The following INPP4B variants were observed in gnomAD, a reference collection of about 807,000 sequenced individuals.
INPP4B encodes the protein inositol polyphosphate-4-phosphatase type II B.
INPP4B carries 55 observed loss-of-function variants against 122.5 expected under a neutral mutation model. The observed-to-expected ratio is 0.45, with a 90% CI of 0.36 to 0.56. The LOEUF is 0.56. INPP4B is among the 20% of genes least tolerant of loss of function. The probability of loss-of-function intolerance (pLI) is 0.00; values close to 1 mark genes in which losing one functional copy is unlikely to be tolerated. For missense variants in INPP4B, 1,000 were observed against 1,097.7 expected (o/e 0.91, Z 1.26); for synonymous variants, 403 against 388.7 (o/e 1.04, Z -0.43).
At chr4:142,442,870 G>C (rs796402898) in intron 3 of INPP4B, among the ~76,000 whole-genome samples, 4 of 152,270 alleles carry the variant, frequency 2.6e-5, no homozygotes, top group African/African-American at 7.2e-5. Context: ...AGCTGGGGAG[G>C]CTTCACAATC....
intron 2 of INPP4B, among the ~76,000 whole-genome samples, chr4:142,571,682 A>G (rs1394838862): frequency 6.6e-6 from 1 of 152,182 alleles, no homozygotes; most frequent in Non-Finnish European, 1.5e-5. Flanking sequence ...CAAAAAATGA[A>G]AAAGTAAGTT....
At chr4:142,629,391 T>C in intron 2 of INPP4B, among the ~76,000 whole-genome samples, 1 of 152,004 alleles carries the variant, frequency 6.6e-6, no homozygotes, top group East Asian at 1.9e-4. Flanking sequence ...TATAAGAAAA[T>C]AAATAAGAAT....
At chr4:142,417,735 A>T (rs2149287166) in intron 5 of INPP4B, among the ~76,000 whole-genome samples, 1 of 152,164 alleles carries the variant, frequency 6.6e-6, no homozygotes, top group South Asian at 2.1e-4. Context: ...TGAGTTTGCA[A>T]AACGACCCAG....
intron 1 of INPP4B, among the ~76,000 whole-genome samples, chr4:142,804,902 A>G (rs753529796): frequency 1.4e-4 from 21 of 152,168 alleles, no homozygotes; most frequent in Admixed American, 3.3e-4. Context: ...CCTGGGCTCA[A>G]GCGATCCACT....
chr4:142,406,913 A>G (rs1351912418), intron 5 of INPP4B, among the ~76,000 whole-genome samples: 24 of 152,288 alleles, frequency 1.6e-4, no homozygotes, highest in African/African-American at 5.5e-4. Flanking sequence ...CTGGTAGCTT[A>G]CATCCTACCC....
intron 2 of INPP4B, among the ~76,000 whole-genome samples, chr4:142,484,656 A>G (rs960822558): frequency 4.1e-4 from 62 of 152,118 alleles, no homozygotes; most frequent in Admixed American, 1.6e-3. Flanking sequence ...CATGTTTGTT[A>G]CATAGGTAAA....
intron 17 of INPP4B, among the ~76,000 whole-genome samples, chr4:142,159,589 T>A (rs972701306): frequency 6.6e-6 from 1 of 151,852 alleles, no homozygotes; most frequent in South Asian, 2.1e-4. Context: ...TAGCACACTA[T>A]TTTTTTTGTT....
chr4:142,323,231 T>C (rs901017684), intron 7 of INPP4B, among the ~76,000 whole-genome samples: 1 of 151,956 alleles, frequency 6.6e-6, no homozygotes, highest in Non-Finnish European at 1.5e-5. Context: ...AGAAGTCTGT[T>C]AGAAATGCAG....
chr4:142,205,565 A>G (rs1218712074), intron 14 of INPP4B, among the ~76,000 whole-genome samples: 1 of 152,150 alleles, frequency 6.6e-6, no homozygotes, highest in Non-Finnish European at 1.5e-5. Context: ...AGTGATGGAA[A>G]ATGCCACATG....
chr4:142,236,500 G>A (rs1856757253), intron 12 of INPP4B, among the ~76,000 whole-genome samples: 2 of 152,108 alleles, frequency 1.3e-5, no homozygotes, highest in East Asian at 3.9e-4. Context: ...ACATGTCATA[G>A]CTTCTCTTTG....
chr4:142,035,458 C>A (rs529937343), intron 25 of INPP4B, among the ~76,000 whole-genome samples: 5 of 152,120 alleles, frequency 3.3e-5, no homozygotes, highest in Non-Finnish European at 5.9e-5. Flanking sequence ...GATAAAGATA[C>A]TATTCACCTA....
intron 2 of INPP4B, among the ~76,000 whole-genome samples, chr4:142,623,671 A>G (rs1176644636): frequency 6.6e-6 from 1 of 151,404 alleles, no homozygotes. Flanking sequence ...GCACCCATTA[A>G]CTCATCATTT....
chr4:142,845,317 T>G (rs987879696), intron 1 of INPP4B, among the ~76,000 whole-genome samples: 1 of 152,138 alleles, frequency 6.6e-6, no homozygotes, highest in East Asian at 1.9e-4. Flanking sequence ...TATGTGGTTC[T>G]AGCATCCTCA....
chr4:142,682,021 G>C (rs188724675), intron 2 of INPP4B, among the ~76,000 whole-genome samples: 1 of 151,862 alleles, frequency 6.6e-6, no homozygotes, highest in Non-Finnish European at 1.5e-5. Context: ...CCTTTGGGAT[G>C]TTTGTATCCT....
At chr4:142,639,250 T>G (rs1749848306) in intron 2 of INPP4B, among the ~76,000 whole-genome samples, 1 of 152,186 alleles carries the variant, frequency 6.6e-6, no homozygotes, top group Admixed American at 6.5e-5. Flanking sequence ...ATCTTTGGCT[T>G]TAATATTCAG....
chr4:142,458,587 A>C (rs1816010734), intron 3 of INPP4B, among the ~76,000 whole-genome samples: 1 of 152,134 alleles, frequency 6.6e-6, no homozygotes, highest in Non-Finnish European at 1.5e-5. Flanking sequence ...ACAAATGTGA[A>C]ATCAATGAAA....
intron 9 of INPP4B, among the ~76,000 whole-genome samples, chr4:142,300,902 A>G (rs1202729923): frequency 6.6e-6 from 1 of 152,154 alleles, no homozygotes; most frequent in Non-Finnish European, 1.5e-5. Flanking sequence ...TTCAAGAAAA[A>G]GTGTTATCAC....
chr4:142,400,215 GA>G (rs1562015749), intron 7 of INPP4B, among the ~76,000 whole-genome samples: 1 of 152,080 alleles, frequency 6.6e-6, no homozygotes, highest in Non-Finnish European at 1.5e-5. Context: ...AGCTCAATAG[GA>G]AAACACAAGC....
chr4:142,109,121 C>T (rs763229945), intron 22 of INPP4B, among the ~76,000 whole-genome samples: 19 of 145,702 alleles, frequency 1.3e-4, no homozygotes, highest in Non-Finnish European at 2.0e-4. Context: ...CAGTCTTTTC[C>T]TATCTCTGGT....
Sources: allele counts gnomAD v4.1 joint callset (sites outside exome capture counted in the v4.1 genomes callset), GRCh38; gene constraint gnomAD v4.1.1; transcripts MANE v1.5; gene names NCBI Gene and HGNC (gene_info 2026-07-23, HGNC 2026-07-21).